The following NADSYN1 variants were observed in gnomAD, a reference collection of about 807,000 sequenced individuals.
NADSYN1 encodes the protein NAD synthetase 1.
NADSYN1 carries 80 observed loss-of-function variants against 99.3 expected under a neutral mutation model. The observed-to-expected ratio is 0.81, with a 90% confidence interval of 0.67 to 0.97. The LOEUF (loss-of-function observed/expected upper bound fraction) is 0.97. Ranked by LOEUF, NADSYN1 falls within the 50% of genes least tolerant of loss-of-function variation. The pLI is 0.00. For missense variants in NADSYN1, 859 were observed against 948.5 expected, an observed-to-expected ratio of 0.91 and a Z score of 1.24; for synonymous variants, 385 against 372.1, an observed-to-expected ratio of 1.03 and a Z score of -0.40.
At chr11:71,481,520 A>G (rs1949707882) in intron 12 of NADSYN1, 116 bp downstream of exon 12, 1 of 1,031,104 alleles carries the variant, frequency 9.7e-7, no homozygotes, top group Non-Finnish European at 1.4e-6. Flanking sequence ...AACAAAAAGC[A>G]TTTCATCACT....
intron 6 of NADSYN1, 64 bp from the exon 7 acceptor site, chr11:71,473,214 G>A: frequency 6.8e-7 from 1 of 1,466,294 alleles, no homozygotes; most frequent in Non-Finnish European, 9.5e-7. Context: ...GTGGCCCTAG[G>A]TAGTGCGTGG....
chr11:71,475,659 A>G (rs1030120045), intron 9 of NADSYN1: 1 of 203,722 alleles, frequency 4.9e-6, no homozygotes, highest in African/African-American at 2.3e-5. Context: ...CTTCCTCCAC[A>G]GAGAAGGGAC....
chr11:71,485,265 C>T, intron 15 of NADSYN1: 1 of 268,392 alleles, frequency 3.7e-6, no homozygotes, highest in Non-Finnish European at 7.1e-6. Context: ...CCCCACGGCT[C>T]AGTCCTGCCA....
chr11:71,456,442 T>G (rs997652997), intron 2 of NADSYN1, among the ~76,000 whole-genome samples: 2 of 152,232 alleles, frequency 1.3e-5, no homozygotes, highest in Admixed American at 6.5e-5. Context: ...TCTCCTGGGC[T>G]GGACTCAAGG....
At chr11:71,473,234 G>GGCAT in intron 6 of NADSYN1, 44 bp from the exon 7 acceptor site, 1 of 1,576,450 alleles carries the variant, frequency 6.3e-7, no homozygotes, top group African/African-American at 1.3e-5. Flanking sequence ...GCCCAGACAG[G>GGCAT]GCATGGCTAG....
At chr11:71,487,245 T>TTCTGGTGCC (rs900541181) in intron 16 of NADSYN1, among the ~76,000 whole-genome samples, 1 of 152,228 alleles carries the variant, frequency 6.6e-6, no homozygotes. Flanking sequence ...ACCATTGCTT[T>TTCTGGTGCC]TCTGGTGCCT....
intron 6 of NADSYN1, 60 bp from the exon 7 acceptor site, chr11:71,473,218 T>C: frequency 6.7e-7 from 1 of 1,501,908 alleles, no homozygotes; most frequent in South Asian, 1.1e-5. Flanking sequence ...CCCTAGGTAG[T>C]GCGTGGCCCA....
intron 6 of NADSYN1, among the ~76,000 whole-genome samples, chr11:71,472,738 C>G (rs1565599855): frequency 6.6e-6 from 1 of 152,246 alleles, no homozygotes; most frequent in East Asian, 1.9e-4. Context: ...CCCCCACTCA[C>G]ACTGGCTTCC....
intron 16 of NADSYN1, among the ~76,000 whole-genome samples, chr11:71,486,165 A>C (rs1949741490): frequency 6.6e-6 from 1 of 152,014 alleles, no homozygotes; most frequent in South Asian, 2.1e-4. Flanking sequence ...TGGTTTCCCC[A>C]CTTCCCTTAG....
rs146127858 is a variant in NADSYN1 at position 71,477,026 on chromosome 11, C to G, written c.799-1369C>G. ...CTCAGGCTCGGGCCACTGCCCTCCA[C>G]CAGGTCCTCCGTGGTGCACCTGAAA... is the stretch of plus-strand genomic sequence containing the variant. On this transcript the variant is annotated intron_variant, in intron 9 of 20. Transcript: ENST00000319023. 4.6e-4 allele frequency: 496 copies of G among 1,069,136 alleles called. 2 individuals are homozygous for G. In the African/African-American group the frequency reaches 7.8e-3, roughly 17 times the overall value. 66.2% of individuals were successfully genotyped at this position (1,069,136 alleles called of 1,614,324 possible).
intron 3 of NADSYN1, 26 bp downstream of exon 3, chr11:71,458,570 G>A: frequency 6.5e-7 from 1 of 1,532,622 alleles, no homozygotes; most frequent in South Asian, 1.1e-5. Flanking sequence ...AGTGTGGAAG[G>A]GCAAACCTGG....
rs1591123189 is a variant in NADSYN1, at chr11:71,463,503, A to C, written c.317+18A>C. The stretch of plus-strand genomic sequence containing the variant: ...CTCAACAGGTAGGCCCCCTGCCCCC[A>C]CCCCGGGAGGGTGACTGGGGCCTCT... On this transcript the variant is annotated intron_variant, in intron 4 of 20. Transcript: ENST00000319023. The C allele has an allele frequency of 6.2e-7, 1 of 1,610,644 alleles. No homozygotes were observed. Among genetic ancestry groups the C allele is most frequent in the Non-Finnish European group, 8.5e-7 (1 of 1,177,576 alleles).
intron 2 of NADSYN1, among the ~76,000 whole-genome samples, chr11:71,457,223 G>T (rs1949520214): frequency 6.6e-6 from 1 of 152,258 alleles, no homozygotes; most frequent in South Asian, 2.1e-4. Flanking sequence ...GGACATCTCA[G>T]AACTCCATTC....
chr11:71,469,656 C>A (rs183743779), intron 5 of NADSYN1, among the ~76,000 whole-genome samples: 1 of 152,212 alleles, frequency 6.6e-6, no homozygotes, highest in Admixed American at 6.5e-5. Flanking sequence ...GGTTCAGGAA[C>A]GCCTTAAGTG....
intron 1 of NADSYN1, among the ~76,000 whole-genome samples, chr11:71,453,705 C>T (rs1459982122): frequency 6.6e-6 from 1 of 152,192 alleles, no homozygotes; most frequent in Non-Finnish European, 1.5e-5. Context: ...TGCCCATTCT[C>T]GGAGATATCT....
chr11:71,493,809 G>T (rs1033377932), intron 18 of NADSYN1, among the ~76,000 whole-genome samples: 1 of 152,034 alleles, frequency 6.6e-6, no homozygotes, highest in Non-Finnish European at 1.5e-5. Context: ...GTTATTATAT[G>T]AGTCAAACAA....
intron 5 of NADSYN1, chr11:71,464,384 G>A (rs1045519310): frequency 3.1e-5 from 14 of 452,344 alleles, no homozygotes; most frequent in South Asian, 5.5e-5. Context: ...GGCTCAGGGC[G>A]CGGTTACACA....
chr11:71,494,451 G>A (rs937580089), intron 18 of NADSYN1, among the ~76,000 whole-genome samples: 11 of 152,204 alleles, frequency 7.2e-5, no homozygotes, highest in South Asian at 4.1e-4. Context: ...ATGTTCACAC[G>A]ACGCAGTGGC....
intron 1 of NADSYN1, 24 bp downstream of exon 1, chr11:71,453,405 C>T (rs1312147944): frequency 6.2e-7 from 1 of 1,603,656 alleles, no homozygotes; most frequent in South Asian, 1.1e-5. Flanking sequence ...GGCGGGGGCA[C>T]CGGTTTGGGG....
Sources: allele counts gnomAD v4.1 joint callset (sites outside exome capture counted in the v4.1 genomes callset), GRCh38; gene constraint gnomAD v4.1.1; transcripts MANE v1.5; gene names NCBI Gene and HGNC (gene_info 2026-07-23, HGNC 2026-07-21).